SETD3: variants seen among roughly 807,000 people sequenced by gnomAD.
The protein encoded by SETD3 is actin-histidine N-methyltransferase.
SETD3 carries 19 observed loss-of-function variants against 63.0 expected under a neutral mutation model. That is an observed-to-expected ratio of 0.30 (90% CI 0.21 to 0.44). The LOEUF is 0.44. SETD3 is among the 20% of genes least tolerant of loss of function. The pLI is 1.00. For missense variants in SETD3, 587 were observed against 728.5 expected, an observed-to-expected ratio of 0.81 and a Z score of 2.24; for synonymous variants, 286 against 264.1, an observed-to-expected ratio of 1.08 and a Z score of -0.80.
At chr14:99,403,455 A>ACACACTCTCTCTCTCTCTCTCT (rs1416541957) in intron 11 of SETD3, among the ~76,000 whole-genome samples, 2 of 135,452 alleles carry the variant, frequency 1.5e-5, no homozygotes, top group East Asian at 2.2e-4. Context: ...ACACACACAC[A>ACACACTCTCTCTCTCTCTCTCT]CTCTCTCTCT....
chr14:99,481,018 G>A (rs1162000387), upstream of SETD3: 1 of 160,266 alleles, frequency 6.2e-6, no homozygotes, highest in Admixed American at 6.5e-5. Context: ...TCCCCAGCCA[G>A]TGGGCTGGCA....
At chr14:99,437,797 A>G (rs1389790662) in intron 6 of SETD3, among the ~76,000 whole-genome samples, 1 of 152,226 alleles carries the variant, frequency 6.6e-6, no homozygotes, top group Admixed American at 6.5e-5. Flanking sequence ...CAGTCACTCA[A>G]AGAAACTCCA....
In SETD3 at chr14:99,398,452, GGTT is replaced by G; in HGVS notation, c.*224_*226del. The G allele has an allele frequency of 9.4e-6, 5 of 531,154 alleles. No homozygotes were observed. Among genetic ancestry groups the G allele is most frequent in the Non-Finnish European group, 1.0e-5 (3 of 301,422 alleles). 32.9% of individuals were successfully genotyped at this position (531,154 alleles called of 1,614,324 possible). A position where few individuals can be genotyped will look rare whatever the true frequency, so the allele number is the denominator to read the frequency against. ...CAGGCACCTCTTCTCCCTTTCTTGT[GGTT>G]GTTTGTTAATTGGTTTGTTTTGCCT... On this transcript the variant is annotated 3_prime_UTR_variant, in exon 13 of 13. Coordinates refer to ENST00000331768, the MANE Select transcript of SETD3 (RefSeq NM_032233.3).
intron 12 of SETD3, 80 bp downstream of exon 12, chr14:99,400,019 G>C: frequency 7.6e-7 from 1 of 1,323,744 alleles, no homozygotes; most frequent in South Asian, 1.5e-5. Flanking sequence ...GGGATTACAG[G>C]CGTGAGCCAC....
At position 99,459,154 on chromosome 14, in the gene SETD3, T is replaced by A. The variant is rs1226124026; in HGVS notation, c.377A>T (p.Lys126Ile). 6.2e-7 allele frequency: 1 copy of A among 1,612,002 alleles called. No homozygotes were observed. Among genetic ancestry groups the A allele is most frequent in the South Asian group, 1.1e-5 (1 of 90,698 alleles). ...AEELFLWVPR[K>I]LLMTVESAKN... ...AGCAGATTCAACAGTCATTAGCAAT[T>A]TTCGTGGAACCCATAAAAACAATTC... The change falls in exon 5 of 13, where the codon AAA becomes ATA. Residue 126 changes from lysine (K) to isoleucine (I), a missense_variant. Transcript: ENST00000331768.
intron 6 of SETD3, among the ~76,000 whole-genome samples, chr14:99,433,659 G>T (rs564581528): frequency 6.6e-5 from 10 of 152,052 alleles, no homozygotes; most frequent in Non-Finnish European, 1.5e-4. Flanking sequence ...GGATGGTCTC[G>T]ATCTCCTGAT....
intron 6 of SETD3, among the ~76,000 whole-genome samples, chr14:99,444,858 T>C (rs1894043109): frequency 1.3e-5 from 2 of 151,742 alleles, no homozygotes; most frequent in African/African-American, 4.8e-5. Flanking sequence ...CAACTTGATA[T>C]ATGTCATGAA....
At chr14:99,454,800 T>C (rs1894665573) in intron 6 of SETD3, among the ~76,000 whole-genome samples, 1 of 152,162 alleles carries the variant, frequency 6.6e-6, no homozygotes, top group Admixed American at 6.5e-5. Flanking sequence ...CCGAGCAGGC[T>C]GGCTCCAGAG....
chr14:99,463,586 A>AT lies in SETD3; in HGVS notation c.104-9dup. On this transcript the variant is annotated splice_polypyrimidine_tract_variant and intron_variant, in intron 2 of 12. Coordinates refer to ENST00000331768, the MANE Select transcript of SETD3 (RefSeq NM_032233.3). The stretch of plus-strand genomic sequence containing the variant: ...GCGCCGGACTGCTGCATTCTGTAAC[A>AT]TAAGAGGCATGGTACTGAAACACTT... 6.2e-7 allele frequency: 1 copy of AT among 1,608,396 alleles called. No individual in the cohort carries two copies. The highest frequency in any genetic ancestry group is 8.5e-7 in the Non-Finnish European group (1 of 1,175,278).
chr14:99,459,819 G>A (rs1894970337), intron 4 of SETD3, among the ~76,000 whole-genome samples: 1 of 152,230 alleles, frequency 6.6e-6, no homozygotes, highest in Non-Finnish European at 1.5e-5. Context: ...GCTCCAACAT[G>A]TGGGAGACAG....
rs929607634 is a variant in SETD3 at position 99,480,830 on chromosome 14, G to C, written c.-111C>G. Reference sequence around the variant, plus strand: ...CGGTGGCGGCGGTGGCGGCGGCGGCGGCCGGACGGGAGGGGCGGGACGGCA... The same window carrying C: ...CGGTGGCGGCGGTGGCGGCGGCGGCCGCCGGACGGGAGGGGCGGGACGGCA... On this transcript the variant is annotated 5_prime_UTR_variant, in exon 1 of 13. Transcript: ENST00000331768. 1.9e-5 allele frequency: 3 copies of C among 162,120 alleles called. No individual in the cohort carries two copies. The highest frequency in any genetic ancestry group is 1.8e-4 in the South Asian group (1 of 5,510). The allele number at this position is 162,120 out of a possible 1,614,324, so 10.0% of individuals were successfully genotyped here.
intron 6 of SETD3, among the ~76,000 whole-genome samples, chr14:99,428,704 G>A (rs1001924289): frequency 2.0e-5 from 3 of 152,060 alleles, no homozygotes; most frequent in South Asian, 2.1e-4. Context: ...GTGGGGAGGG[G>A]GTAGGTGAAG....
intron 6 of SETD3, among the ~76,000 whole-genome samples, chr14:99,449,254 C>T (rs1209807852): frequency 6.6e-6 from 1 of 152,116 alleles, no homozygotes; most frequent in Non-Finnish European, 1.5e-5. Flanking sequence ...ATGATAGATA[C>T]AAAAACCAGT....
chr14:99,403,384 C>CA (rs1169540029), intron 11 of SETD3, among the ~76,000 whole-genome samples: 18 of 152,046 alleles, frequency 1.2e-4, no homozygotes, highest in African/African-American at 4.3e-4. Context: ...CATTCCTACT[C>CA]AGACTGTTCT....
chr14:99,445,047 T>A (rs1365512114), intron 6 of SETD3, among the ~76,000 whole-genome samples: 1 of 152,194 alleles, frequency 6.6e-6, no homozygotes, highest in East Asian at 1.9e-4. Context: ...AAAAACAGTG[T>A]TCAGGCCATA....
chr14:99,481,250 G>C, upstream of SETD3: 1 of 395,520 alleles, frequency 2.5e-6, no homozygotes, highest in Non-Finnish European at 4.5e-6. Flanking sequence ...TCTGTAAGCA[G>C]CAGCCACTGA....
Position 99,398,960 on chromosome 14 carries a change from A to G in SETD3, c.1504T>C (p.Tyr502His), listed in dbSNP as rs1891228780. The change falls in exon 13 of 13, where the codon TAT becomes CAT. Residue 502 changes from tyrosine (Y) to histidine (H), a missense_variant. By Grantham distance (83) the Tyr-to-His change is moderately conservative (BLOSUM62 2). Transcript: ENST00000331768. ...AACAGCCCAAGGTTACTCTCTTCATATTTGGGAAGCGGAGCCTTTTCCTCC... is the reference window on the plus strand; with the variant it reads ...AACAGCCCAAGGTTACTCTCTTCATGTTTGGGAAGCGGAGCCTTTTCCTCC... ...QMEEKAPLPK[Y>H]EESNLGLLES... 1 of 1,613,914 alleles carries G rather than the reference A, an allele frequency of 6.2e-7. No individual in the cohort carries two copies. The highest frequency in any genetic ancestry group is 1.3e-5 in the African/African-American group (1 of 74,880).
intron 12 of SETD3, among the ~76,000 whole-genome samples, chr14:99,399,602 AT>A (rs1891270634): frequency 6.6e-6 from 1 of 152,250 alleles, no homozygotes; most frequent in African/African-American, 2.4e-5. Context: ...ATAAAAAAGT[AT>A]TGAATAATCT....
intron 6 of SETD3, among the ~76,000 whole-genome samples, chr14:99,418,278 C>T (rs1328274230): frequency 6.6e-6 from 1 of 152,066 alleles, no homozygotes; most frequent in Admixed American, 6.5e-5. Flanking sequence ...TAATGCCATG[C>T]AATTAAATTT....
Sources: allele counts gnomAD v4.1 joint callset (sites outside exome capture counted in the v4.1 genomes callset), GRCh38; gene constraint gnomAD v4.1.1; transcripts MANE v1.5; gene names NCBI Gene and HGNC (gene_info 2026-07-23, HGNC 2026-07-21).